DCC: variants seen among roughly 807,000 people sequenced by gnomAD.
DCC encodes DCC netrin 1 receptor.
A neutral mutation model predicts 172.5 loss-of-function variants in DCC; 58 were observed. The ratio of observed to expected loss-of-function variants is 0.34; its 90% CI spans 0.27 to 0.42. DCC has a LOEUF of 0.42. DCC is among the 10% of genes least tolerant of loss of function. The pLI, the probability that DCC is intolerant of heterozygous loss-of-function variation, is 1.00. For missense variants in DCC, 1,740 were observed against 1,791.0 expected (o/e 0.97, Z 0.51); for synonymous variants, 709 against 644.5 (o/e 1.10, Z -1.52).
In DCC at chr18:53,351,182, T is replaced by C. The variant is rs577542678; in HGVS notation, c.2359+11275T>C. Among the ~76,000 whole-genome samples the C allele has an allele frequency of 7.4e-5, 11 of 148,736 alleles. No homozygotes were observed. The East Asian group carries it at 2.2e-3, about 30-fold the overall frequency. ...GAGGTCCAAAGCACAGGAATTGTCTTATACCTGGTGAATTTTCTAAAGCTA... is the reference window on the plus strand; with the variant it reads ...GAGGTCCAAAGCACAGGAATTGTCTCATACCTGGTGAATTTTCTAAAGCTA... On this transcript the variant is annotated intron_variant, in intron 15 of 28. Transcript: ENST00000442544.
intron 12 of DCC, among the ~76,000 whole-genome samples, chr18:53,240,794 C>G (rs568998472): frequency 1.3e-5 from 2 of 152,156 alleles, no homozygotes; most frequent in African/African-American, 4.8e-5. Context: ...TATGGCTACA[C>G]TCACAAACTG....
intron 1 of DCC, among the ~76,000 whole-genome samples, chr18:52,639,901 G>T (rs1288027977): frequency 6.6e-6 from 1 of 151,874 alleles, no homozygotes; most frequent in Non-Finnish European, 1.5e-5. Flanking sequence ...ACCAGGAAAG[G>T]GCGTAACCAA....
At chr18:52,438,587 A>G (rs1158421098) in intron 1 of DCC, among the ~76,000 whole-genome samples, 2 of 152,240 alleles carry the variant, frequency 1.3e-5, no homozygotes, top group Admixed American at 6.5e-5. Context: ...TAAAAGTTAT[A>G]TTTGAGCACT....
intron 3 of DCC, among the ~76,000 whole-genome samples, chr18:52,921,296 A>T (rs2040121355): frequency 6.6e-6 from 1 of 152,202 alleles, no homozygotes; most frequent in Admixed American, 6.5e-5. Flanking sequence ...ATATGAGGAT[A>T]CTCTGAACTA....
Position 53,530,926 on chromosome 18 carries a change from T to C in DCC, c.*273T>C. On this transcript the variant is annotated 3_prime_UTR_variant, in exon 29 of 29. Coordinates refer to ENST00000442544, the MANE Select transcript of DCC (RefSeq NM_005215.4). Reference sequence around the variant, plus strand: ...GTCAAAGTTTAAGCTGCTAGAATAGTCATGGGCCTTTGTCACTGCAGTGAC... The same window carrying C: ...GTCAAAGTTTAAGCTGCTAGAATAGCCATGGGCCTTTGTCACTGCAGTGAC... 1 of 556,392 alleles carries C rather than the reference T, an allele frequency of 1.8e-6. No individual in the cohort carries two copies. Among genetic ancestry groups the C allele is most frequent in the Non-Finnish European group, 3.2e-6 (1 of 308,938 alleles). 34.5% of individuals were successfully genotyped at this position (556,392 alleles called of 1,614,324 possible).
chr18:52,460,157 C>A (rs1349723534), intron 1 of DCC, among the ~76,000 whole-genome samples: 1 of 152,132 alleles, frequency 6.6e-6, no homozygotes, highest in Non-Finnish European at 1.5e-5. Flanking sequence ...CCCTGCTCTG[C>A]TTCTCTGTAT....
chr18:53,094,292 A>G (rs552562672), intron 7 of DCC, among the ~76,000 whole-genome samples: 2 of 152,326 alleles, frequency 1.3e-5, no homozygotes, highest in African/African-American at 4.8e-5. Flanking sequence ...CCAACTGGGA[A>G]GAAGGACTTT....
intron 2 of DCC, among the ~76,000 whole-genome samples, chr18:52,779,205 G>A (rs951568896): frequency 6.6e-6 from 1 of 152,052 alleles, no homozygotes; most frequent in Non-Finnish European, 1.5e-5. Context: ...TGCAGAACAT[G>A]CAGGTTTGTT....
intron 5 of DCC, among the ~76,000 whole-genome samples, chr18:52,973,448 C>A (rs1482178300): frequency 2.0e-5 from 3 of 152,108 alleles, no homozygotes; most frequent in Non-Finnish European, 4.4e-5. Flanking sequence ...CTTGCTTACC[C>A]ACTGGCCAAG....
chr18:52,731,419 G>A lies in DCC; in HGVS notation c.92-20635G>A, dbSNP rs202136145. 1.8e-4 allele frequency among the ~76,000 whole-genome samples: 27 copies of A among 152,344 alleles called. No homozygotes were observed. The East Asian group carries it at 5.2e-3, about 29-fold the overall frequency. On this transcript the variant is annotated intron_variant, in intron 1 of 28. Coordinates refer to ENST00000442544, the MANE Select transcript of DCC (RefSeq NM_005215.4). ...GCTGTTGCAAGGCTGTCTTTCAGAG[G>A]TGGTGTAGTTAATGGTTACAAAACA...
chr18:52,341,149 G>A (rs938081758), intron 1 of DCC, among the ~76,000 whole-genome samples: 3 of 151,016 alleles, frequency 2.0e-5, no homozygotes, highest in Non-Finnish European at 2.9e-5. Context: ...ACTTGGGTTG[G>A]TTTGGAGAGC....
chr18:53,295,635 T>C (rs2144758746), intron 12 of DCC, among the ~76,000 whole-genome samples: 1 of 152,304 alleles, frequency 6.6e-6, no homozygotes, highest in East Asian at 1.9e-4. Context: ...ATTTGAAAAC[T>C]GCCCTTTCCA....
At chr18:52,796,210 A>G (rs2037875483) in intron 2 of DCC, among the ~76,000 whole-genome samples, 1 of 151,912 alleles carries the variant, frequency 6.6e-6, no homozygotes, top group African/African-American at 2.4e-5. Flanking sequence ...CATCTAGTCT[A>G]CATCTCTTAA....
At position 52,923,762 on chromosome 18, in the gene DCC, C is replaced by T; in HGVS notation, c.753C>T (p.Ala251=). 1.9e-6 allele frequency: 3 copies of T among 1,611,756 alleles called. No individual in the cohort carries two copies. Among genetic ancestry groups the T allele is most frequent in the Non-Finnish European group, 2.5e-6 (3 of 1,178,062 alleles). ...YFLQRPSNVV[A]IEGKDAVLEC... is the part of the protein sequence containing the mutation. Reference sequence around the variant, plus strand: ...TGCAAAGACCATCCAATGTAGTAGCCATTGAAGGAAAAGATGCTGTCCTGG... The same window carrying T: ...TGCAAAGACCATCCAATGTAGTAGCTATTGAAGGAAAAGATGCTGTCCTGG... Residue 251 remains alanine (A), a synonymous_variant, in exon 4 of 29, where the codon GCC becomes GCT. Transcript: ENST00000442544.
At chr18:53,450,386 C>A (rs527937654) in intron 22 of DCC, 114 bp from the exon 23 acceptor site, 279 of 1,115,698 alleles carry the variant, frequency 2.5e-4, no homozygotes, top group Non-Finnish European at 3.5e-4. Context: ...CCATCACTAC[C>A]CCTAAGTTCA....
At chr18:52,342,612 A>G (rs933245738) in intron 1 of DCC, among the ~76,000 whole-genome samples, 3 of 152,196 alleles carry the variant, frequency 2.0e-5, no homozygotes, top group African/African-American at 7.2e-5. Flanking sequence ...TGGGAGACCT[A>G]TGCGGACGGG....
At chr18:53,090,056 G>A (rs1053774170) in intron 7 of DCC, among the ~76,000 whole-genome samples, 4 of 152,096 alleles carry the variant, frequency 2.6e-5, no homozygotes, top group African/African-American at 9.7e-5. Flanking sequence ...TTGTCCTCAA[G>A]TTCATGTTCT....
intron 1 of DCC, among the ~76,000 whole-genome samples, chr18:52,459,644 AT>A (rs1423263582): frequency 1.3e-5 from 2 of 151,080 alleles, no homozygotes; most frequent in East Asian, 2.0e-4. Flanking sequence ...ATTTTTTTGT[AT>A]TTTTTAGTAG....
At chr18:53,144,802 T>C (rs1011396458) in intron 7 of DCC, among the ~76,000 whole-genome samples, 4 of 152,156 alleles carry the variant, frequency 2.6e-5, no homozygotes, top group African/African-American at 7.2e-5. Context: ...AGGTACTTTA[T>C]GGGCATTATC....
Sources: allele counts gnomAD v4.1 joint callset (sites outside exome capture counted in the v4.1 genomes callset), GRCh38; gene constraint gnomAD v4.1.1; transcripts MANE v1.5; gene names NCBI Gene and HGNC (gene_info 2026-07-23, HGNC 2026-07-21).